The following ZNF780A variants were observed in gnomAD, a reference collection of about 807,000 sequenced individuals.
The protein encoded by ZNF780A is zinc finger protein 780A.
In ZNF780A, 40 loss-of-function variants were observed where a neutral mutation model predicts 56.7. The ratio of observed to expected loss-of-function variants is 0.71; its 90% CI spans 0.55 to 0.92. The LOEUF (loss-of-function observed/expected upper bound fraction) is 0.92, where lower values mean the gene tolerates loss of function less well. Among genes scored for constraint, ZNF780A ranks in the 40% least tolerant of loss-of-function variants. The pLI is 0.00. For missense variants in ZNF780A, 672 were observed against 783.3 expected, an observed-to-expected ratio of 0.86 and a Z score of 1.70; for synonymous variants, 231 against 248.3, an observed-to-expected ratio of 0.93 and a Z score of 0.66.
Position 40,074,744 on chromosome 19 carries a change from A to C in ZNF780A, c.1698T>G (p.Phe566Leu). 1 of 1,614,104 alleles carries C rather than the reference A, an allele frequency of 6.2e-7. No individual in the cohort carries two copies. The highest frequency in any genetic ancestry group is 8.5e-7 in the Non-Finnish European group (1 of 1,179,996). The change falls in exon 6 of 6, where the codon TTT becomes TTG. Residue 566 changes from phenylalanine to leucine, a missense_variant. Coordinates refer to ENST00000683561, the MANE Select transcript of ZNF780A (RefSeq NM_001142578.2). ...GTCGAATAAGGTGCATATGAAGTCG[A>C]AAGGCTTTCCCACATTCCTTACATT... ...PFECKECGKAFRLHMHLIRHQ... is the reference protein window; with the variant it reads ...PFECKECGKALRLHMHLIRHQ...
At chr19:40,090,083 G>A (rs900474871) in intron 2 of ZNF780A, 83 bp downstream of exon 2, 1 of 152,114 alleles carries the variant, frequency 6.6e-6, no homozygotes, top group African/African-American at 2.4e-5. Flanking sequence ...TATCCCCCTA[G>A]TTTCACTGAA....
chr19:40,070,971 GA>G (rs974340579), downstream of ZNF780A: 25 of 152,066 alleles, frequency 1.6e-4, no homozygotes, highest in African/African-American at 6.0e-4. Flanking sequence ...TAAAAAATAG[GA>G]ACATGAGACT....
In ZNF780A at chr19:40,075,267, T is replaced by C. The variant is rs138107400; in HGVS notation, c.1175A>G (p.Lys392Arg). 914 of 1,613,868 alleles carry C rather than the reference T, an allele frequency of 5.7e-4. 5 individuals carry two copies. In the African/African-American group the frequency reaches 6.8e-3, roughly 12 times the overall value. ...ACGATTAAAGGACTTCCCACATTCC[T>C]TACATTCAAACGGTTTTTCACCTGT... ...IHTGEKPFEC[K>R]ECGKSFNRSS... Residue 392 changes from lysine (K) to arginine (R), a missense_variant, in exon 6 of 6, where the codon AAG (lysine) becomes AGG (arginine). By Grantham distance (26) the Lys-to-Arg change is conservative (BLOSUM62 2). Transcript: ENST00000683561.
chr19:40,082,984 T>A, intron 4 of ZNF780A, 127 bp downstream of exon 4: 3 of 1,491,130 alleles, frequency 2.0e-6, no homozygotes, highest in Non-Finnish European at 2.8e-6. Flanking sequence ...CAAATCCCAA[T>A]CCATTCCTTT....
At chr19:40,085,391 C>T (rs922593050) in intron 2 of ZNF780A, 14 of 965,738 alleles carry the variant, frequency 1.4e-5, no homozygotes, top group African/African-American at 8.8e-5. Flanking sequence ...AAATATTAAA[C>T]GTTCAAGATA....
chr19:40,085,941 C>G (rs1302658950), intron 2 of ZNF780A, among the ~76,000 whole-genome samples: 2 of 151,202 alleles, frequency 1.3e-5, no homozygotes, highest in Non-Finnish European at 2.9e-5. Context: ...TTCACACACA[C>G]ACACACGTGT....
At position 40,074,713 on chromosome 19, in the gene ZNF780A, T is replaced by G. The variant is rs768759213; in HGVS notation, c.1729A>C (p.Lys577Gln). Residue 577 changes from lysine (K) to glutamine (Q), a missense_variant, in exon 6 of 6, where the codon AAA becomes CAA. Transcript: ENST00000683561. ...RLHMHLIRHQ[K>Q]LHTGEKPFEC... ...AAGGGTTTCTCACCAGTATGCAATT[T>G]CTGATGTCGAATAAGGTGCATATGA... The G allele has an allele frequency of 1.9e-5, 30 of 1,614,182 alleles. No individual in the cohort carries two copies. In the South Asian group the frequency reaches 2.6e-4, roughly 14 times the overall value.
At chr19:40,081,984 T>C in intron 4 of ZNF780A, 70 bp from the exon 5 acceptor site, 1 of 1,066,170 alleles carries the variant, frequency 9.4e-7, no homozygotes, top group South Asian at 1.4e-5. Flanking sequence ...CTTTGTGACC[T>C]GCTTAAACTT....
chr19:40,076,978 T>C (rs950428789), intron 5 of ZNF780A, among the ~76,000 whole-genome samples: 1 of 152,074 alleles, frequency 6.6e-6, no homozygotes, highest in African/African-American at 2.4e-5. Context: ...TGTTCACTAC[T>C]ACTACCATCA....
In ZNF780A at chr19:40,074,134, G is replaced by T; in HGVS notation, c.*382C>A. 7.4e-7 allele frequency: 1 copy of T among 1,357,342 alleles called. No individual in the cohort carries two copies. Among genetic ancestry groups the T allele is most frequent in the South Asian group, 1.5e-5 (1 of 68,860 alleles). The allele number at this position is 1,357,342 out of a possible 1,614,324, so 84.1% of individuals were successfully genotyped here. The stretch of plus-strand genomic sequence containing the variant: ...TCACCAGTATGAATACTCTGATGTT[G>T]AACAAGGTTTGAGCCACTATTGAAG... On this transcript the variant is annotated 3_prime_UTR_variant, in exon 6 of 6. Coordinates refer to ENST00000683561, the MANE Select transcript of ZNF780A (RefSeq NM_001142578.2).
At position 40,073,472 on chromosome 19, in the gene ZNF780A, C is replaced by A; in HGVS notation, c.*1044G>T. ...CGTCTTGCTCACCACAGGGTTGCCACAAACCTTCAGTTTGTATAAAACACA... is the reference window on the plus strand; with the variant it reads ...CGTCTTGCTCACCACAGGGTTGCCAAAAACCTTCAGTTTGTATAAAACACA... On this transcript the variant is annotated 3_prime_UTR_variant, in exon 6 of 6. Coordinates refer to ENST00000683561, the MANE Select transcript of ZNF780A (RefSeq NM_001142578.2). 6.1e-6 allele frequency: 6 copies of A among 976,422 alleles called. No homozygotes were observed. The highest frequency in any genetic ancestry group is 7.3e-6 in the Non-Finnish European group (6 of 821,784). The allele number at this position is 976,422 out of a possible 1,614,324, so 60.5% of individuals were successfully genotyped here. A position where few individuals can be genotyped will look rare whatever the true frequency, so the allele number is the denominator to read the frequency against.
chr19:40,078,647 A>G (rs189509035), intron 5 of ZNF780A, among the ~76,000 whole-genome samples: 10 of 152,314 alleles, frequency 6.6e-5, no homozygotes, highest in Admixed American at 2.6e-4. Flanking sequence ...CAAAATGTTG[A>G]AAGAAAAAAC....
chr19:40,083,667 G>GAAAA (rs571135549), intron 3 of ZNF780A, among the ~76,000 whole-genome samples: 4 of 44,648 alleles, frequency 9.0e-5, no homozygotes, highest in Non-Finnish European at 9.6e-5. Flanking sequence ...CTGTCTCAGA[G>GAAAA]AAAAAAAAAA....
chr19:40,087,391 C>T (rs1406937714), intron 2 of ZNF780A, among the ~76,000 whole-genome samples: 1 of 152,052 alleles, frequency 6.6e-6, no homozygotes, highest in African/African-American at 2.4e-5. Context: ...GCATGACAAC[C>T]GAAAGTTTCT....
downstream of ZNF780A, chr19:40,069,951 C>G (rs1238042226): frequency 6.6e-6 from 1 of 152,062 alleles, no homozygotes; most frequent in African/African-American, 2.4e-5. Flanking sequence ...TTAACGGCTA[C>G]TCGTAACTCC....
intron 2 of ZNF780A, chr19:40,089,558 C>G (rs1284673760): frequency 2.6e-5 from 6 of 227,512 alleles, no homozygotes; most frequent in Non-Finnish European, 5.2e-5. Flanking sequence ...ATATTCCAAC[C>G]CAGATACTCT....
At chr19:40,072,667 AAAAG>A, downstream of ZNF780A, 4 of 1,013,870 alleles carry the variant, frequency 3.9e-6, no homozygotes, top group East Asian at 3.4e-5. Flanking sequence ...AAAAAAAAAA[AAAAG>A]AAGAATGAGG....
At chr19:40,085,300 T>G (rs1193480910) in intron 2 of ZNF780A, 2 of 985,354 alleles carry the variant, frequency 2.0e-6, no homozygotes, top group African/African-American at 3.5e-5. Flanking sequence ...CAAATTGCAC[T>G]GACAGTGTTC....
intron 4 of ZNF780A, among the ~76,000 whole-genome samples, 164 bp downstream of exon 4, chr19:40,082,947 C>G (rs576283556): frequency 6.6e-6 from 1 of 152,232 alleles, no homozygotes; most frequent in East Asian, 1.9e-4. Flanking sequence ...TGCAGGGGCT[C>G]CAGGGAGGTG....
Sources: gnomAD v4.1 joint callset for allele counts (sites outside exome capture counted in the v4.1 genomes callset) on GRCh38, gnomAD v4.1.1 for gene constraint, MANE v1.5 for transcripts, NCBI Gene and HGNC (gene_info 2026-07-23, HGNC 2026-07-21) for gene names.